Variants in CYB5R1 observed in about 807,000 individuals in gnomAD.
The protein encoded by CYB5R1 is cytochrome b5 reductase 1.
CYB5R1 carries 32 observed loss-of-function variants against 37.4 expected under a neutral mutation model. The ratio of observed to expected loss-of-function variants is 0.86; its 90% CI spans 0.65 to 1.15. The LOEUF (loss-of-function observed/expected upper bound fraction) is 1.15. CYB5R1 is among the 50% of genes most tolerant of loss of function. The pLI is 0.00. For synonymous variants in CYB5R1, 159 were observed against 155.2 expected, an observed-to-expected ratio of 1.02 and a Z score of -0.18; for missense variants, 345 against 382.5, an observed-to-expected ratio of 0.90 and a Z score of 0.82.
At chr1:202,965,142 A>T in intron 5 of CYB5R1, 1 of 531,344 alleles carries the variant, frequency 1.9e-6, no homozygotes, top group Non-Finnish European at 3.2e-6. Context: ...TTGCTTTAGT[A>T]ATCTCCACAG....
intron 6 of CYB5R1, 121 bp from the exon 7 acceptor site, chr1:202,963,848 T>C (rs973123894): frequency 1.8e-6 from 1 of 551,940 alleles, no homozygotes; most frequent in Non-Finnish European, 3.1e-6. Context: ...CCATTTTCCT[T>C]TAGCATTCTC....
In CYB5R1 at chr1:202,963,150, T is replaced by TGATA; in HGVS notation, c.657_660dup (p.Ile221TyrfsTer19). 1 of 1,614,008 alleles carries TGATA rather than the reference T, an allele frequency of 6.2e-7. No individual in the cohort carries two copies. The highest frequency in any genetic ancestry group is 8.5e-7 in the Non-Finnish European group (1 of 1,179,844). On this transcript the variant is annotated frameshift_variant, in exon 8 of 9. Transcript: ENST00000367249. LOFTEE classifies it high-confidence loss of function. ...AGTTCCTCTAAGTCCTCCCGCAAGA[T>TGATA]GATATCCTTTTCTGTCTGAAATGCA...
At position 202,965,890 on chromosome 1, in the gene CYB5R1, G is replaced by A. The variant is rs1382985871; in HGVS notation, c.342C>T (p.Ile114=). 2.5e-6 allele frequency: 4 copies of A among 1,606,086 alleles called. No individual in the cohort carries two copies. The highest frequency in any genetic ancestry group is 3.4e-6 in the Non-Finnish European group (4 of 1,172,706). Residue 114 remains isoleucine (I), a synonymous_variant, in exon 4 of 9, where the codon ATC becomes ATT. Coordinates refer to ENST00000367249, the MANE Select transcript of CYB5R1 (RefSeq NM_016243.3). ...DEDQGYVDLV[I]KVYLKGVHPK... ...GGGTCCCTTCCTAGCCCCTTACCTT[G>A]ATGACAAGATCCACATAGCCTTGAT...
intron 3 of CYB5R1, chr1:202,966,249 A>G (rs1655090604): frequency 6.8e-6 from 4 of 592,206 alleles, no homozygotes; most frequent in African/African-American, 5.6e-5. Context: ...GGTCTGGGCA[A>G]TGGGAAAAAG....
chr1:202,967,161 C>A lies in CYB5R1; in HGVS notation c.15+30G>T, dbSNP rs770155729. On this transcript the variant is annotated intron_variant, in intron 1 of 8. Coordinates refer to ENST00000367249, the MANE Select transcript of CYB5R1 (RefSeq NM_016243.3). ...CCAGAACCAGATGGGGAGGGGTCCC[C>A]CAGTGGAGGATACTGAATGAGGGTC... The A allele has an allele frequency of 3.7e-6, 6 of 1,608,446 alleles. No individual in the cohort carries two copies. The South Asian group carries it at 6.6e-5, about 18-fold the overall frequency.
chr1:202,964,421 A>G, intron 6 of CYB5R1, 191 bp downstream of exon 6: 2 of 588,520 alleles, frequency 3.4e-6, no homozygotes, highest in Middle Eastern at 4.5e-4. Context: ...TAATTCCATC[A>G]GTTAAAATTT....
chr1:202,964,562 A>G lies in CYB5R1; in HGVS notation c.559+50T>C, dbSNP rs539743142. ...TTCAGAGGGTCACCTAGGAATTTGC[A>G]TGGCAACAGTCAACAATGGTGGGAG... is the stretch of plus-strand genomic sequence containing the variant. On this transcript the variant is annotated intron_variant, in intron 6 of 8. Transcript: ENST00000367249. 9.3e-6 allele frequency: 13 copies of G among 1,396,286 alleles called. No individual in the cohort carries two copies. The East Asian group carries it at 2.5e-4, about 27-fold the overall frequency. The allele number at this position is 1,396,286 out of a possible 1,614,324, so 86.5% of individuals were successfully genotyped here. A position where few individuals can be genotyped will look rare whatever the true frequency, so the allele number is the denominator to read the frequency against.
At chr1:202,962,969 G>T in intron 8 of CYB5R1, 97 bp downstream of exon 8, 3 of 1,193,252 alleles carry the variant, frequency 2.5e-6, no homozygotes, top group Non-Finnish European at 3.8e-6. Context: ...GCAGTGTGAG[G>T]CAAGGTTGAT....
Position 202,962,358 on chromosome 1 carries a change from C to A in CYB5R1, c.*169G>T. On this transcript the variant is annotated 3_prime_UTR_variant, in exon 9 of 9. Coordinates refer to ENST00000367249, the MANE Select transcript of CYB5R1 (RefSeq NM_016243.3). ...ATCCAAGGAGTGACTGAGCCTTGGC[C>A]CTCTTCCATGGCTACAGGAATATTG... 1.2e-6 allele frequency: 1 copy of A among 852,942 alleles called. No homozygotes were observed. Among genetic ancestry groups the A allele is most frequent in the Non-Finnish European group, 1.8e-6 (1 of 565,100 alleles). The allele number at this position is 852,942 out of a possible 1,614,324, so 52.8% of individuals were successfully genotyped here.
rs111984079 is a variant in CYB5R1 at position 202,964,815 on chromosome 1, C to T, written c.476-120G>A. 8.9e-4 allele frequency: 668 copies of T among 747,452 alleles called. 3 individuals carry two copies. In the African/African-American group the frequency reaches 0.01, roughly 11 times the overall value. 46.3% of individuals were successfully genotyped at this position (747,452 alleles called of 1,614,324 possible). A position where few individuals can be genotyped will look rare whatever the true frequency, so the allele number is the denominator to read the frequency against. The stretch of plus-strand genomic sequence containing the variant: ...TGAGCAGCTGCTATGACATCTGATC[C>T]TGGAGCTTGGGTGGAAGCTTGAGTT... On this transcript the variant is annotated intron_variant, in intron 5 of 8. Coordinates refer to ENST00000367249, the MANE Select transcript of CYB5R1 (RefSeq NM_016243.3).
In CYB5R1 at chr1:202,963,734, G is replaced by A. The variant is rs759513555; in HGVS notation, c.560-7C>T. The A allele has an allele frequency of 2.5e-6, 4 of 1,598,142 alleles. No individual in the cohort carries two copies. The highest frequency in any genetic ancestry group is 1.7e-5 in the Admixed American group (1 of 58,730). Reference sequence around the variant, plus strand: ...TGTAGCATTGGGGTGATTCCTGCATGAAGATACCCCACAGTGAAATGTAGT... The same window carrying A: ...TGTAGCATTGGGGTGATTCCTGCATAAAGATACCCCACAGTGAAATGTAGT... On this transcript the variant is annotated splice_polypyrimidine_tract_variant and splice_region_variant and intron_variant, in intron 6 of 8. Transcript: ENST00000367249.
At chr1:202,966,476 A>G in intron 3 of CYB5R1, 52 bp downstream of exon 3, 1 of 1,582,814 alleles carries the variant, frequency 6.3e-7, no homozygotes. Context: ...CCAGGAGGGG[A>G]GTCACCTTCT....
chr1:202,965,931 C>G lies in CYB5R1; in HGVS notation c.301G>C (p.Val101Leu), dbSNP rs1025458641. 4.3e-6 allele frequency: 7 copies of G among 1,614,094 alleles called. No homozygotes were observed. The highest frequency in any genetic ancestry group is 5.9e-6 in the Non-Finnish European group (7 of 1,179,944). ...GSLVIRPYTP[V>L]TSDEDQGYVD... ...TAGCCTTGATCCTCATCACTGGTGA[C>G]AGGAGTGTATGGCCTGATGACCAGG... Residue 101 changes from valine to leucine, a missense_variant, in exon 4 of 9, where the codon GTC becomes CTC. Val to Leu is a conservative substitution (Grantham distance 32). Transcript: ENST00000367249.
rs1453034455 is a variant in CYB5R1, at chr1:202,966,848, G to C, written c.66C>G (p.Gly22=). 3.1e-6 allele frequency: 5 copies of C among 1,613,944 alleles called. No homozygotes were observed. Among genetic ancestry groups the C allele is most frequent in the Non-Finnish European group, 4.2e-6 (5 of 1,179,934 alleles). ...SLGVGLVTLL[G]LAVGSYLVRR... ...GAACCAAGTAGGAGCCCACAGCCAG[G>C]CCGAGCAGAGTGACCAGCCCCACCC... The change falls in exon 2 of 9, where the codon GGC becomes GGG. Residue 22 remains glycine, a synonymous_variant. Transcript: ENST00000367249.
In CYB5R1 at chr1:202,966,916, A is replaced by C; in HGVS notation, c.16-18T>G. 2 of 1,589,580 alleles carry C rather than the reference A, an allele frequency of 1.3e-6. No homozygotes were observed. Among genetic ancestry groups the C allele is most frequent in the Middle Eastern group, 1.7e-4 (1 of 5,852 alleles). ...ACGGGGCTCTGTGGGTAGAGGAGGC[A>C]GCGTGACCGCCAGGCTGGGTAAGAG... On this transcript the variant is annotated intron_variant, in intron 1 of 8. Transcript: ENST00000367249.
chr1:202,966,477 G>A, intron 3 of CYB5R1, 51 bp downstream of exon 3: 1 of 1,586,446 alleles, frequency 6.3e-7, no homozygotes, highest in Non-Finnish European at 8.7e-7. Flanking sequence ...CAGGAGGGGA[G>A]TCACCTTCTG....
chr1:202,966,104 A>G, intron 3 of CYB5R1, 111 bp from the exon 4 acceptor site: 1 of 739,866 alleles, frequency 1.4e-6, no homozygotes, highest in South Asian at 1.7e-5. Context: ...CTGTGGTCCC[A>G]AGGAGCTACA....
Position 202,966,772 on chromosome 1 carries a change from G to A in CYB5R1, c.142C>T (p.Leu48=), listed in dbSNP as rs909577037. 2 of 1,614,046 alleles carry A rather than the reference G, an allele frequency of 1.2e-6. No individual in the cohort carries two copies. Among genetic ancestry groups the A allele is most frequent in the African/African-American group, 2.7e-5 (2 of 74,944 alleles). ...ACCGTCTTGTCTAGCAGTCGTAGCA[G>A]GTACTTTTCATTGGGGTCCAGGAGA... is the stretch of plus-strand genomic sequence containing the variant. ...VTLLDPNEKY[L]LRLLDKTTVS... Residue 48 remains leucine (L), a synonymous_variant, in exon 2 of 9, where the codon CTG becomes TTG. Coordinates refer to ENST00000367249, the MANE Select transcript of CYB5R1 (RefSeq NM_016243.3).
At chr1:202,965,818 T>C in intron 4 of CYB5R1, 69 bp downstream of exon 4, 2 of 1,172,184 alleles carry the variant, frequency 1.7e-6, no homozygotes, top group Non-Finnish European at 2.5e-6. Flanking sequence ...GTCAGGCAAA[T>C]CTTAGAAATT....
Sources: gnomAD v4.1 joint callset for allele counts on GRCh38, gnomAD v4.1.1 for gene constraint, MANE v1.5 for transcripts, NCBI Gene and HGNC (gene_info 2026-07-23, HGNC 2026-07-21) for gene names.